Variants in TM2D1 observed in about 807,000 individuals in gnomAD.
TM2D1 encodes the protein TM2 domain containing 1, also known as TM2 domain-containing protein 1.
TM2D1 carries 15 observed loss-of-function variants against 28.4 expected under a neutral mutation model. That is an observed-to-expected ratio of 0.53 (90% CI 0.35 to 0.81). TM2D1 has a LOEUF of 0.81. Among genes scored for constraint, TM2D1 ranks in the 40% least tolerant of loss-of-function variants. The pLI is 0.01. For synonymous variants in TM2D1, 93 were observed against 96.2 expected (o/e 0.97, Z 0.20); for missense variants, 236 against 254.9 (o/e 0.93, Z 0.50).
At chr1:61,694,865 ATCACACTCTT>A in intron 4 of TM2D1, 95 bp from the exon 5 acceptor site, 1 of 585,938 alleles carries the variant, frequency 1.7e-6, no homozygotes, top group Non-Finnish European at 2.8e-6. Context: ...ATATATATAT[ATCACACTCTT>A]TATATCAAGA....
At chr1:61,709,489 G>A (rs1644462696) in intron 2 of TM2D1, 52 bp from the exon 3 acceptor site, 5 of 1,263,688 alleles carry the variant, frequency 4.0e-6, no homozygotes, top group Non-Finnish European at 5.8e-6. Context: ...TGGAGAAACA[G>A]TATGTAATTG....
At chr1:61,719,293 G>A (rs771141203) in intron 2 of TM2D1, among the ~76,000 whole-genome samples, 3 of 152,042 alleles carry the variant, frequency 2.0e-5, no homozygotes, top group Non-Finnish European at 4.4e-5. Flanking sequence ...CAAGTGATCT[G>A]CCCACCTAAG....
intron 3 of TM2D1, 85 bp from the exon 4 acceptor site, chr1:61,701,110 T>C: frequency 1.0e-6 from 1 of 1,002,280 alleles, no homozygotes; most frequent in Non-Finnish European, 1.5e-6. Context: ...TGTTAATTGG[T>C]TCATTCTTTC....
At chr1:61,715,727 G>T (rs1359080416) in intron 2 of TM2D1, among the ~76,000 whole-genome samples, 2 of 150,700 alleles carry the variant, frequency 1.3e-5, no homozygotes, top group African/African-American at 4.9e-5. Context: ...AGCATATGTT[G>T]TGTAAAGCAT....
chr1:61,711,520 G>A (rs1644479292), intron 2 of TM2D1, among the ~76,000 whole-genome samples: 1 of 151,430 alleles, frequency 6.6e-6, no homozygotes, highest in Non-Finnish European at 1.5e-5. Context: ...GCATGGTGGT[G>A]CTCACCTGTT....
Position 61,686,816 on chromosome 1 carries a change from G to A in TM2D1, c.514-3270C>T, listed in dbSNP as rs183853865. 42 of 974,802 alleles carry A rather than the reference G, an allele frequency of 4.3e-5. No homozygotes were observed. In the African/African-American group the frequency reaches 6.0e-4, roughly 14 times the overall value. The allele number at this position is 974,802 out of a possible 1,614,324, so 60.4% of individuals were successfully genotyped here. On this transcript the variant is annotated intron_variant, in intron 5 of 6. Transcript: ENST00000606498. ...CCTTTTAAAATATCCCATACTGGAT[G>A]GGAGGCTGAGGCAGGAAGATTGTTT...
At chr1:61,717,694 C>T (rs902835492) in intron 2 of TM2D1, among the ~76,000 whole-genome samples, 2 of 152,022 alleles carry the variant, frequency 1.3e-5, no homozygotes, top group African/African-American at 4.8e-5. Context: ...CAGCCTCAGA[C>T]TACCAAATAG....
chr1:61,703,277 T>A (rs1265770604), intron 3 of TM2D1, among the ~76,000 whole-genome samples: 2 of 146,852 alleles, frequency 1.4e-5, no homozygotes, highest in South Asian at 2.1e-4. Flanking sequence ...ATTTTATATA[T>A]TATATATGAA....
intron 5 of TM2D1, chr1:61,683,783 C>T (rs1207803026): frequency 2.5e-5 from 7 of 276,586 alleles, no homozygotes; most frequent in South Asian, 2.4e-4. Flanking sequence ...ATTCTGTGCT[C>T]CCTGAGGCCC....
chr1:61,691,945 ATATATATATATATATG>A (rs1644330808), intron 5 of TM2D1, among the ~76,000 whole-genome samples: 1 of 130,552 alleles, frequency 7.7e-6, no homozygotes, highest in African/African-American at 2.6e-5. Flanking sequence ...ATATATATAT[ATATATATATATATATG>A]TATATATATA....
At chr1:61,682,313 TCTAGACAGCTG>T (rs1644250165) in intron 6 of TM2D1, among the ~76,000 whole-genome samples, 1 of 152,132 alleles carries the variant, frequency 6.6e-6, no homozygotes, top group Non-Finnish European at 1.5e-5. Flanking sequence ...TATGAAAGCT[TCTAGACAGCTG>T]CTAGACAGCT....
At chr1:61,709,928 T>C (rs1018220377) in intron 2 of TM2D1, among the ~76,000 whole-genome samples, 3 of 152,192 alleles carry the variant, frequency 2.0e-5, no homozygotes, top group Non-Finnish European at 4.4e-5. Flanking sequence ...TGTTTCTTGA[T>C]TCCCTCTGGG....
At chr1:61,696,973 A>C (rs1644367860) in intron 4 of TM2D1, among the ~76,000 whole-genome samples, 1 of 152,050 alleles carries the variant, frequency 6.6e-6, no homozygotes, top group South Asian at 2.1e-4. Flanking sequence ...TTTGATTATA[A>C]TAACTGTAGT....
In TM2D1 at chr1:61,723,574, T is replaced by G. The variant is rs967088799; in HGVS notation, c.238+139A>C. The G allele has an allele frequency of 1.1e-5, 5 of 452,420 alleles. No homozygotes were observed. The Admixed American group carries it at 1.1e-4, about 10-fold the overall frequency. 28.0% of individuals were successfully genotyped at this position (452,420 alleles called of 1,614,324 possible). The stretch of plus-strand genomic sequence containing the variant: ...ACAACCTCTAGGTAGTTCTCCAGTT[T>G]TAAGTTACTCTGGAAACTGAATAAT... On this transcript the variant is annotated intron_variant, in intron 2 of 6. Transcript: ENST00000606498.
intron 2 of TM2D1, among the ~76,000 whole-genome samples, chr1:61,716,350 T>C (rs1644519037): frequency 6.8e-6 from 1 of 146,888 alleles, no homozygotes; most frequent in Admixed American, 6.9e-5. Context: ...AAATATTATA[T>C]ACATATTTAA....
intron 4 of TM2D1, chr1:61,700,317 G>T (rs564246236): frequency 6.9e-5 from 99 of 1,427,204 alleles, no homozygotes; most frequent in Non-Finnish European, 9.0e-5. Flanking sequence ...TCAGAGGGTT[G>T]TAAGTCTTCA....
At chr1:61,707,541 T>C (rs1382593307) in intron 3 of TM2D1, among the ~76,000 whole-genome samples, 7 of 152,166 alleles carry the variant, frequency 4.6e-5, no homozygotes, top group Non-Finnish European at 8.8e-5. Context: ...AATTTAGGTA[T>C]TGACTAAACC....
At chr1:61,696,134 G>T (rs1476040009) in intron 4 of TM2D1, 1 of 152,160 alleles carries the variant, frequency 6.6e-6, no homozygotes, top group Non-Finnish European at 1.5e-5. Flanking sequence ...AAAATTGTCT[G>T]CTGAGGTTTT....
At chr1:61,703,826 G>A (rs1466995189) in intron 3 of TM2D1, among the ~76,000 whole-genome samples, 5 of 144,430 alleles carry the variant, frequency 3.5e-5, no homozygotes, top group Non-Finnish European at 7.5e-5. Context: ...GCACAATCTC[G>A]GCTTACTACA....
Sources: allele counts gnomAD v4.1 joint callset (sites outside exome capture counted in the v4.1 genomes callset), GRCh38; gene constraint gnomAD v4.1.1; transcripts MANE v1.5; gene names NCBI Gene and HGNC (gene_info 2026-07-23, HGNC 2026-07-21).